Variants in HIP1 observed in about 807,000 individuals in gnomAD.
HIP1 encodes the protein huntingtin interacting protein 1.
In HIP1, 65 loss-of-function variants were observed where a neutral mutation model predicts 147.6. That is an observed-to-expected ratio of 0.44 (90% confidence interval 0.36 to 0.54). HIP1 has a LOEUF of 0.54. HIP1 is among the 20% of genes least tolerant of loss of function. The pLI is 0.00. For synonymous variants in HIP1, 479 were observed against 504.0 expected, an observed-to-expected ratio of 0.95 and a Z score of 0.67; for missense variants, 1,061 against 1,299.6, an observed-to-expected ratio of 0.82 and a Z score of 2.82.
intron 1 of HIP1, among the ~76,000 whole-genome samples, chr7:75,665,210 T>A (rs1159928484): frequency 6.6e-6 from 1 of 151,988 alleles, no homozygotes. Context: ...TACAGTGAGC[T>A]ATGATCAAGC....
rs1794152253 is a variant in HIP1 at position 75,538,041 on chromosome 7, C to T, written c.*131G>A. On this transcript the variant is annotated 3_prime_UTR_variant, in exon 31 of 31. Transcript: ENST00000336926. ...GAGTCTTTGGAAGTGTCATGCATGT[C>T]CTCGGCACTGGGTAATGGCAGTGGT... 1 of 763,874 alleles carries T rather than the reference C, an allele frequency of 1.3e-6. No individual in the cohort carries two copies. Among genetic ancestry groups the T allele is most frequent in the East Asian group, 2.4e-5 (1 of 40,878 alleles). 47.3% of individuals were successfully genotyped at this position (763,874 alleles called of 1,614,324 possible). A position where few individuals can be genotyped will look rare whatever the true frequency, so the allele number is the denominator to read the frequency against.
In HIP1 at chr7:75,555,479, C is replaced by G; in HGVS notation, c.1900G>C (p.Val634Leu). Residue 634 changes from valine (V) to leucine (L), a missense_variant, in exon 19 of 31, where the codon GTG becomes CTG. By Grantham distance (32) the Val-to-Leu change is conservative. Coordinates refer to ENST00000336926, the MANE Select transcript of HIP1 (RefSeq NM_005338.7). ...LVGSRKAAEQ[V>L]IQDALNQLEE... ...AGCTGGTTCAGGGCGTCTTGTATCACCTGCTCCGCAGCCTTCCTGGACCCC... is the reference window on the plus strand; with the variant it reads ...AGCTGGTTCAGGGCGTCTTGTATCAGCTGCTCCGCAGCCTTCCTGGACCCC... 6.2e-7 allele frequency: 1 copy of G among 1,614,198 alleles called. No individual in the cohort carries two copies. Among genetic ancestry groups the G allele is most frequent in the African/African-American group, 1.3e-5 (1 of 75,058 alleles).
At chr7:75,664,645 C>T (rs1554514440) in intron 1 of HIP1, among the ~76,000 whole-genome samples, 1 of 151,404 alleles carries the variant, frequency 6.6e-6, no homozygotes, top group East Asian at 1.9e-4. Flanking sequence ...CAAAGTCTTG[C>T]TCCATTGCTC....
intron 28 of HIP1, among the ~76,000 whole-genome samples, chr7:75,542,542 T>C (rs1196549444): frequency 6.6e-6 from 1 of 151,546 alleles, no homozygotes; most frequent in Admixed American, 6.6e-5. Flanking sequence ...CTACTAAAAA[T>C]ACAAAAATTA....
At chr7:75,543,008 C>T (rs782589155) in intron 27 of HIP1, 34 bp from the exon 28 acceptor site, 4 of 1,588,280 alleles carry the variant, frequency 2.5e-6, no homozygotes, top group South Asian at 2.3e-5. Flanking sequence ...GTTCATACAA[C>T]ACCTAGAGCA....
At position 75,556,753 on chromosome 7, in the gene HIP1, C is replaced by T. The variant is rs782568562; in HGVS notation, c.1640G>A (p.Arg547Gln). The T allele has an allele frequency of 9.9e-6, 16 of 1,612,750 alleles. No individual in the cohort carries two copies. The highest frequency in any genetic ancestry group is 9.9e-5 in the South Asian group (9 of 91,062). The change falls in exon 17 of 31, where the codon CGG becomes CAG. Residue 547 changes from arginine to glutamine, a missense_variant. Arg to Gln is a conservative substitution (Grantham distance 43). Around this residue, in one of 3 missense-constraint regions of HIP1, gnomAD observed 810 missense variants for 946.8 expected, o/e 0.86. Transcript: ENST00000336926. Reference sequence around the variant, plus strand: ...GCTGCCTTGCAGAACCTGAAGCTCCCGTTGGCTTGTGGCAAGTTCCTGCTT... The same window carrying T: ...GCTGCCTTGCAGAACCTGAAGCTCCTGTTGGCTTGTGGCAAGTTCCTGCTT... ...SLKQELATSQRELQVLQGSLE... is the reference protein window; with the variant it reads ...SLKQELATSQQELQVLQGSLE...
chr7:75,599,066 C>T, intron 2 of HIP1, 118 bp downstream of exon 2: 1 of 742,922 alleles, frequency 1.3e-6, no homozygotes, highest in Non-Finnish European at 2.4e-6. Flanking sequence ...CTGCAGGGAC[C>T]TGGCCTGTGC....
chr7:75,635,501 C>T (rs1554509520), intron 1 of HIP1, among the ~76,000 whole-genome samples: 2 of 150,894 alleles, frequency 1.3e-5, no homozygotes, highest in Non-Finnish European at 2.9e-5. Flanking sequence ...TCGCTTGAAC[C>T]CAGGAGGCGG....
At chr7:75,675,847 G>GGT (rs1383451626) in intron 1 of HIP1, among the ~76,000 whole-genome samples, 1 of 152,066 alleles carries the variant, frequency 6.6e-6, no homozygotes, top group Non-Finnish European at 1.5e-5. Flanking sequence ...CAGGCATGGT[G>GGT]GTGTGTGCTT....
At chr7:75,581,897 G>A (rs1421191252) in intron 6 of HIP1, among the ~76,000 whole-genome samples, 178 bp downstream of exon 6, 1 of 152,214 alleles carries the variant, frequency 6.6e-6, no homozygotes, top group Non-Finnish European at 1.5e-5. Flanking sequence ...TAGCCAGGCA[G>A]GGGTTCTGGA....
intron 16 of HIP1, among the ~76,000 whole-genome samples, chr7:75,557,019 A>ATTATTTATTTATTTGT (rs1795033550): frequency 6.9e-6 from 1 of 145,352 alleles, no homozygotes; most frequent in Admixed American, 6.9e-5. Flanking sequence ...AGGATTTTTT[A>ATTATTTATTTATTTGT]TTATTTATTT....
At chr7:75,624,367 G>C (rs1210546534) in intron 1 of HIP1, among the ~76,000 whole-genome samples, 1 of 152,186 alleles carries the variant, frequency 6.6e-6, no homozygotes, top group Admixed American at 6.6e-5. Context: ...AGAAAGCAAA[G>C]CTGCCAGAAA....
intron 1 of HIP1, among the ~76,000 whole-genome samples, chr7:75,684,857 C>T (rs113478865): frequency 5.9e-5 from 9 of 152,052 alleles, no homozygotes; most frequent in South Asian, 2.1e-4. Flanking sequence ...TTTGGGAGGC[C>T]GAGAAAGGCG....
Position 75,539,411 on chromosome 7 carries a change from T to C in HIP1, c.2973A>G (p.Glu991=). The part of the protein sequence containing the change: ...MDSQVRVLEL[E]NELQKERQKL... ...TTTGACGCTCCTTCTGCAATTCATTTTCTAGCTCTAGCACCCTAACCTGTA... is the reference window on the plus strand; with the variant it reads ...TTTGACGCTCCTTCTGCAATTCATTCTCTAGCTCTAGCACCCTAACCTGTA... The change falls in exon 30 of 31, where the codon GAA becomes GAG. Residue 991 remains glutamate, a synonymous_variant. Coordinates refer to ENST00000336926, the MANE Select transcript of HIP1 (RefSeq NM_005338.7). The C allele has an allele frequency of 6.2e-7, 1 of 1,614,064 alleles. No individual in the cohort carries two copies. The highest frequency in any genetic ancestry group is 8.5e-7 in the Non-Finnish European group (1 of 1,179,892).
chr7:75,587,814 AT>A (rs1740367494), intron 4 of HIP1, among the ~76,000 whole-genome samples: 1 of 152,194 alleles, frequency 6.6e-6, no homozygotes, highest in African/African-American at 2.4e-5. Context: ...AAATTAAAAA[AT>A]TAGCTGGGCA....
intron 1 of HIP1, among the ~76,000 whole-genome samples, chr7:75,715,774 C>CAAAAAAAAAAAAAAA (rs34769081): frequency 2.5e-4 from 9 of 36,714 alleles, no homozygotes; most frequent in East Asian, 1.0e-3. Context: ...GATCCTGTCT[C>CAAAAAAAAAAAAAAA]AAAAAAAAAA....
Position 75,537,688 on chromosome 7 carries a change from G to GC in HIP1, c.*483dup, listed in dbSNP as rs1554489042. The GC allele has an allele frequency of 1.2e-5, 3 of 246,924 alleles. No homozygotes were observed. Among genetic ancestry groups the GC allele is most frequent in the African/African-American group, 6.6e-5 (3 of 45,506 alleles). The allele number at this position is 246,924 out of a possible 1,614,324, so 15.3% of individuals were successfully genotyped here. ...TAGTGTCCTGGTTTGGAATCCATCA[G>GC]CCCTCTGATGCTCACAAGTTTGTGC... On this transcript the variant is annotated 3_prime_UTR_variant, in exon 31 of 31. Transcript: ENST00000336926.
chr7:75,600,657 A>G (rs587644697), intron 1 of HIP1, among the ~76,000 whole-genome samples: 1 of 152,324 alleles, frequency 6.6e-6, no homozygotes, highest in Non-Finnish European at 1.5e-5. Context: ...TTCTACAAAA[A>G]TTAGATTGTC....
chr7:75,725,582 T>C (rs530015230), intron 1 of HIP1, among the ~76,000 whole-genome samples: 1 of 152,208 alleles, frequency 6.6e-6, no homozygotes, highest in Non-Finnish European at 1.5e-5. Flanking sequence ...AATTGAAGTA[T>C]ACAGAAAATG....
Sources: allele counts gnomAD v4.1 joint callset (sites outside exome capture counted in the v4.1 genomes callset), GRCh38; gene constraint gnomAD v4.1.1; regional missense constraint gnomAD v4.1.1; transcripts MANE v1.5; gene names NCBI Gene and HGNC (gene_info 2026-07-23, HGNC 2026-07-21).